The following SPRED1 variants were observed in gnomAD, a reference collection of about 807,000 sequenced individuals.
SPRED1 encodes sprouty-related, EVH1 domain-containing protein 1.
SPRED1 carries 18 observed loss-of-function variants against 52.3 expected under a neutral mutation model. The ratio of observed to expected loss-of-function variants is 0.34; its 90% confidence interval spans 0.24 to 0.51. The LOEUF (loss-of-function observed/expected upper bound fraction) is 0.51. Among genes scored for constraint, SPRED1 ranks in the 20% least tolerant of loss-of-function variants. The pLI, the probability that SPRED1 is intolerant of heterozygous loss-of-function variation, is 0.97. For synonymous variants in SPRED1, 155 were observed against 179.7 expected (o/e 0.86, Z 1.10); for missense variants, 485 against 551.0 (o/e 0.88, Z 1.20).
chr15:38,253,705 TC>T (rs1193398207), intron 1 of SPRED1, among the ~76,000 whole-genome samples: 8 of 150,596 alleles, frequency 5.3e-5, no homozygotes, highest in Non-Finnish European at 1.0e-4. Flanking sequence ...CTTCACCCTC[TC>T]CCCCCTCCCC....
chr15:38,334,011 T>C (rs1895858634), intron 4 of SPRED1, among the ~76,000 whole-genome samples: 1 of 152,062 alleles, frequency 6.6e-6, no homozygotes, highest in Non-Finnish European at 1.5e-5. Context: ...ATTGTGAAGA[T>C]TGAGTTAACC....
Position 38,333,425 on chromosome 15 carries a change from C to G in SPRED1, c.424-6312C>G, listed in dbSNP as rs940339904. Among the ~76,000 whole-genome samples, 1 of 152,040 alleles carries G rather than the reference C, an allele frequency of 6.6e-6. No individual in the cohort carries two copies. Among genetic ancestry groups the G allele is most frequent in the Non-Finnish European group, 1.5e-5 (1 of 67,992 alleles). On this transcript the variant is annotated intron_variant, in intron 4 of 6. Transcript: ENST00000299084. ...AAAGCAAAGAAATGAGGATGAAAATCAGTAGGAACAAGCCATATTAAGAAA... is the reference window on the plus strand; with the variant it reads ...AAAGCAAAGAAATGAGGATGAAAATGAGTAGGAACAAGCCATATTAAGAAA...
chr15:38,256,930 C>T (rs1290552253), intron 1 of SPRED1, among the ~76,000 whole-genome samples: 2 of 152,070 alleles, frequency 1.3e-5, no homozygotes, highest in African/African-American at 2.4e-5. Flanking sequence ...GTGGTGTATA[C>T]ATAATATAAA....
At chr15:38,264,925 C>G (rs891469046) in intron 1 of SPRED1, among the ~76,000 whole-genome samples, 20 of 152,240 alleles carry the variant, frequency 1.3e-4, no homozygotes, top group African/African-American at 4.8e-4. Flanking sequence ...TGTAAATAAA[C>G]TATCCAAATT....
At chr15:38,286,465 A>G (rs1466887469) in intron 1 of SPRED1, among the ~76,000 whole-genome samples, 1 of 151,382 alleles carries the variant, frequency 6.6e-6, no homozygotes, top group Non-Finnish European at 1.5e-5. Context: ...CAGTCACATA[A>G]TCTGCAAACA....
intron 5 of SPRED1, 152 bp downstream of exon 5, chr15:38,340,047 T>G: frequency 1.0e-6 from 1 of 985,530 alleles, no homozygotes; most frequent in South Asian, 1.5e-5. Context: ...GAATTTGATT[T>G]ATAATGAGCC....
At chr15:38,281,603 A>G (rs1002680274) in intron 1 of SPRED1, among the ~76,000 whole-genome samples, 1 of 107,150 alleles carries the variant, frequency 9.3e-6, no homozygotes, top group African/African-American at 3.8e-5. Context: ...GGGTCTTGCT[A>G]TGCTTCTCAG....
Position 38,353,267 on chromosome 15 carries a change from C to T in SPRED1, c.*1603C>T, listed in dbSNP as rs1888534612. 6.6e-6 allele frequency: 1 copy of T among 152,302 alleles called. No individual in the cohort carries two copies. The highest frequency in any genetic ancestry group is 1.5e-5 in the Non-Finnish European group (1 of 67,870). The allele number at this position is 152,302 out of a possible 1,614,324, so 9.4% of individuals were successfully genotyped here. A position where few individuals can be genotyped will look rare whatever the true frequency, so the allele number is the denominator to read the frequency against. ...ATTCTTTTTATATATCACACTTAAG[C>T]TTGTGTTAGCTTTTTTCTTTTGCCC... On this transcript the variant is annotated 3_prime_UTR_variant, in exon 7 of 7. Coordinates refer to ENST00000299084, the MANE Select transcript of SPRED1 (RefSeq NM_152594.3).
intron 2 of SPRED1, among the ~76,000 whole-genome samples, chr15:38,301,656 A>T (rs1261795673): frequency 6.6e-6 from 1 of 152,162 alleles, no homozygotes; most frequent in East Asian, 1.9e-4. Context: ...TGAGACGGTG[A>T]TATTGAAATG....
At chr15:38,265,788 T>C (rs1340758920) in intron 1 of SPRED1, among the ~76,000 whole-genome samples, 2 of 152,152 alleles carry the variant, frequency 1.3e-5, no homozygotes, top group African/African-American at 2.4e-5. Flanking sequence ...ATCCAGGAAC[T>C]TTCAAATATT....
chr15:38,299,645 T>A, intron 2 of SPRED1, 98 bp downstream of exon 2: 1 of 1,213,546 alleles, frequency 8.2e-7, no homozygotes, highest in Non-Finnish European at 1.2e-6. Flanking sequence ...CACCTGTGAA[T>A]CAGTAATTAT....
At chr15:38,322,537 C>A in intron 3 of SPRED1, 128 bp downstream of exon 3, 1 of 833,842 alleles carries the variant, frequency 1.2e-6, no homozygotes, top group Non-Finnish European at 1.9e-6. Context: ...TGTGACCAGG[C>A]TTTGAAACCT....
chr15:38,351,149 G>C lies in SPRED1; in HGVS notation c.820G>C (p.Asp274His). Reference sequence around the variant, plus strand: ...CATGTGGAAAAATGACTTGGAAAGAGATGATGCTGATTCCAGTATTCAGTT... The same window carrying C: ...CATGTGGAAAAATGACTTGGAAAGACATGATGCTGATTCCAGTATTCAGTT... ...PDMWKNDLER[D>H]DADSSIQFSK... The change falls in exon 7 of 7, where the codon GAT becomes CAT. Residue 274 changes from aspartate to histidine, a missense_variant. Transcript: ENST00000299084. The C allele has an allele frequency of 6.2e-7, 1 of 1,614,080 alleles. No homozygotes were observed. Among genetic ancestry groups the C allele is most frequent in the Non-Finnish European group, 8.5e-7 (1 of 1,179,998 alleles).
chr15:38,340,319 C>T (rs1402866793), intron 5 of SPRED1, among the ~76,000 whole-genome samples: 1 of 151,822 alleles, frequency 6.6e-6, no homozygotes, highest in East Asian at 1.9e-4. Flanking sequence ...TTTTTTCTTC[C>T]CTTATTCTGT....
At chr15:38,302,265 T>C (rs1040230747) in intron 2 of SPRED1, among the ~76,000 whole-genome samples, 1 of 152,226 alleles carries the variant, frequency 6.6e-6, no homozygotes, top group Non-Finnish European at 1.5e-5. Context: ...ATGGCCCTTA[T>C]CAGTTATGAG....
chr15:38,260,771 T>C (rs907099368), intron 1 of SPRED1, among the ~76,000 whole-genome samples: 12 of 152,214 alleles, frequency 7.9e-5, no homozygotes, highest in Middle Eastern at 3.2e-3. Flanking sequence ...TCATAAGCTT[T>C]ACCAGGCTGC....
In SPRED1 at chr15:38,340,025, A is replaced by G. The variant is rs1383187580; in HGVS notation, c.582+130A>G. On this transcript the variant is annotated intron_variant, in intron 5 of 6. Transcript: ENST00000299084. ...AAACAAACAAACAAAAACCCCACAAACAAAACCAGGAGAATTTGATTTATA... is the reference window on the plus strand; with the variant it reads ...AAACAAACAAACAAAAACCCCACAAGCAAAACCAGGAGAATTTGATTTATA... 13 of 1,164,068 alleles carry G rather than the reference A, an allele frequency of 1.1e-5. No homozygotes were observed. The Admixed American group carries it at 1.2e-4, about 11-fold the overall frequency. The allele number at this position is 1,164,068 out of a possible 1,614,324, so 72.1% of individuals were successfully genotyped here. A position where few individuals can be genotyped will look rare whatever the true frequency, so the allele number is the denominator to read the frequency against.
intron 1 of SPRED1, among the ~76,000 whole-genome samples, chr15:38,292,073 C>G (rs946318239): frequency 2.6e-5 from 4 of 152,178 alleles, no homozygotes; most frequent in African/African-American, 9.7e-5. Flanking sequence ...TGCTTTGCTG[C>G]TTAGAAATTT....
At chr15:38,291,010 G>A (rs555005204) in intron 1 of SPRED1, among the ~76,000 whole-genome samples, 41 of 152,204 alleles carry the variant, frequency 2.7e-4, no homozygotes, top group Admixed American at 2.0e-3. Context: ...AGTCTCATTC[G>A]AGACAAGGCA....
Sources: gnomAD v4.1 joint callset for allele counts (sites outside exome capture counted in the v4.1 genomes callset) on GRCh38, gnomAD v4.1.1 for gene constraint, MANE v1.5 for transcripts, NCBI Gene and HGNC (gene_info 2026-07-23, HGNC 2026-07-21) for gene names.